The following TMEM117 variants were observed in gnomAD, a reference collection of about 807,000 sequenced individuals.
TMEM117 encodes transmembrane protein 117.
A neutral mutation model predicts 52.4 loss-of-function variants in TMEM117; 27 were observed. The observed-to-expected ratio is 0.51, with a 90% confidence interval of 0.38 to 0.71. The LOEUF (loss-of-function observed/expected upper bound fraction) is 0.71. TMEM117 is among the 30% of genes least tolerant of loss of function. The probability of loss-of-function intolerance (pLI) is 0.00; values close to 1 mark genes in which losing one functional copy is unlikely to be tolerated. For synonymous variants in TMEM117, 215 were observed against 206.3 expected (o/e 1.04, Z -0.36); for missense variants, 556 against 630.5 (o/e 0.88, Z 1.26).
chr12:43,917,814 G>A (rs1480132428), intron 2 of TMEM117, among the ~76,000 whole-genome samples: 1 of 152,040 alleles, frequency 6.6e-6, no homozygotes, highest in Non-Finnish European at 1.5e-5. Flanking sequence ...GTGGGAGCTG[G>A]AGTGAGTGAC....
intron 6 of TMEM117, among the ~76,000 whole-genome samples, chr12:44,347,842 G>A (rs1951508801): frequency 6.6e-6 from 1 of 152,014 alleles, no homozygotes; most frequent in Non-Finnish European, 1.5e-5. Context: ...TTTCAAATCT[G>A]GCTGCATGTT....
intron 2 of TMEM117, among the ~76,000 whole-genome samples, chr12:43,884,605 A>G (rs1192779999): frequency 6.6e-6 from 1 of 152,200 alleles, no homozygotes; most frequent in African/African-American, 2.4e-5. Flanking sequence ...GAATCTTCCA[A>G]GCAACTGTCT....
chr12:43,973,399 C>T (rs546182353), intron 3 of TMEM117, among the ~76,000 whole-genome samples: 2 of 152,186 alleles, frequency 1.3e-5, no homozygotes, highest in South Asian at 4.2e-4. Flanking sequence ...CTTGGATATC[C>T]ACTTTTAATT....
At chr12:44,239,543 C>T (rs999508727) in intron 5 of TMEM117, among the ~76,000 whole-genome samples, 1 of 152,100 alleles carries the variant, frequency 6.6e-6, no homozygotes, top group African/African-American at 2.4e-5. Context: ...TTAGCGATCT[C>T]AATATTCATT....
At chr12:44,033,174 A>C (rs376144277) in intron 3 of TMEM117, among the ~76,000 whole-genome samples, 4 of 152,176 alleles carry the variant, frequency 2.6e-5, no homozygotes, top group Non-Finnish European at 5.9e-5. Flanking sequence ...TACCAGTGCC[A>C]AGACAGTTTA....
rs1000959269 is a variant in TMEM117 at position 43,913,489 on chromosome 12, A to G, written c.278-30721A>G. 2.8e-4 allele frequency among the ~76,000 whole-genome samples: 43 copies of G among 152,170 alleles called. 1 individual carries two copies. Among genetic ancestry groups the G allele is most frequent in the Admixed American group, 2.6e-3 (39 of 15,268 alleles). On this transcript the variant is annotated intron_variant, in intron 2 of 7. Transcript: ENST00000266534. ...GATCCCATTTACCTGAAGGAAAGGG[A>G]ACTAACAGAGAGGGACTATTTTTGC...
chr12:44,057,068 C>T (rs368899480), intron 3 of TMEM117, among the ~76,000 whole-genome samples: 2 of 152,266 alleles, frequency 1.3e-5, no homozygotes, highest in East Asian at 1.9e-4. Context: ...AAAGAAACTG[C>T]CTTAAATGAT....
At chr12:43,858,156 A>T (rs907632056) in intron 2 of TMEM117, among the ~76,000 whole-genome samples, 1 of 152,132 alleles carries the variant, frequency 6.6e-6, no homozygotes, top group African/African-American at 2.4e-5. Context: ...CGTGGCTGTG[A>T]CCCAGAGTTA....
At chr12:44,149,890 GA>G (rs570734002) in intron 4 of TMEM117, among the ~76,000 whole-genome samples, 2 of 151,960 alleles carry the variant, frequency 1.3e-5, no homozygotes, top group Admixed American at 6.6e-5. Flanking sequence ...CTTCATAATA[GA>G]AAAAAAATTT....
At chr12:44,063,116 C>T (rs898622226) in intron 3 of TMEM117, among the ~76,000 whole-genome samples, 10 of 152,272 alleles carry the variant, frequency 6.6e-5, no homozygotes, top group African/African-American at 2.4e-4. Context: ...TGTGACTGCT[C>T]AGAGACGTAG....
intron 6 of TMEM117, among the ~76,000 whole-genome samples, chr12:44,307,791 T>C (rs556426508): frequency 7.9e-5 from 12 of 152,320 alleles, no homozygotes; most frequent in African/African-American, 2.2e-4. Flanking sequence ...GTGGGTAGTC[T>C]GCATGAAGTG....
At chr12:43,935,878 T>C (rs183175252) in intron 2 of TMEM117, among the ~76,000 whole-genome samples, 204 of 152,232 alleles carry the variant, frequency 1.3e-3, no homozygotes, top group Admixed American at 2.2e-3. Flanking sequence ...AGTTGAGTTA[T>C]GGAGAAGGAA....
intron 3 of TMEM117, among the ~76,000 whole-genome samples, chr12:43,946,220 G>A (rs1164952023): frequency 6.6e-6 from 1 of 152,062 alleles, no homozygotes; most frequent in African/African-American, 2.4e-5. Flanking sequence ...CACAGCCAAA[G>A]GTTTCTCTGT....
chr12:44,119,326 G>A (rs1393550521), intron 3 of TMEM117, among the ~76,000 whole-genome samples: 1 of 152,098 alleles, frequency 6.6e-6, no homozygotes, highest in Non-Finnish European at 1.5e-5. Context: ...GTGAAAAGCT[G>A]ACCACCTCAG....
chr12:44,265,099 G>A (rs1592650491), intron 5 of TMEM117, among the ~76,000 whole-genome samples: 2 of 152,140 alleles, frequency 1.3e-5, no homozygotes, highest in South Asian at 2.1e-4. Flanking sequence ...AAAAAGAAAC[G>A]AGTGTTTAGG....
chr12:44,306,016 C>A (rs1299467330), intron 6 of TMEM117, among the ~76,000 whole-genome samples: 1 of 152,096 alleles, frequency 6.6e-6, no homozygotes, highest in Admixed American at 6.6e-5. Flanking sequence ...AGTGAATTAA[C>A]AGAGGGACAG....
intron 1 of TMEM117, among the ~76,000 whole-genome samples, chr12:43,837,615 C>G (rs1021651789): frequency 2.6e-5 from 4 of 152,152 alleles, no homozygotes; most frequent in African/African-American, 4.8e-5. Flanking sequence ...GAAATGCGGA[C>G]ATTACAGGTG....
chr12:44,178,172 T>C (rs1949142120), intron 4 of TMEM117, among the ~76,000 whole-genome samples: 1 of 152,218 alleles, frequency 6.6e-6, no homozygotes, highest in South Asian at 2.1e-4. Flanking sequence ...ATGTTTTAGA[T>C]ACACTGTTAA....
At chr12:43,897,955 C>T (rs1214887420) in intron 2 of TMEM117, among the ~76,000 whole-genome samples, 2 of 151,988 alleles carry the variant, frequency 1.3e-5, no homozygotes, top group Non-Finnish European at 2.9e-5. Context: ...TCTCATGACC[C>T]TTGTCTAATT....
Sources: allele counts gnomAD v4.1 joint callset (sites outside exome capture counted in the v4.1 genomes callset), GRCh38; gene constraint gnomAD v4.1.1; transcripts MANE v1.5; gene names NCBI Gene and HGNC (gene_info 2026-07-23, HGNC 2026-07-21).